The following GAL3ST1 variants were observed in gnomAD, a reference collection of about 807,000 sequenced individuals.
The protein encoded by GAL3ST1 is galactosylceramide sulfotransferase.
GAL3ST1 carries 13 observed loss-of-function variants against 25.0 expected under a neutral mutation model. The ratio of observed to expected loss-of-function variants is 0.52; its 90% confidence interval spans 0.34 to 0.83. The LOEUF (loss-of-function observed/expected upper bound fraction) is 0.83. GAL3ST1 is among the 40% of genes least tolerant of loss of function. The pLI, the probability that GAL3ST1 is intolerant of heterozygous loss-of-function variation, is 0.02. For synonymous variants in GAL3ST1, 274 were observed against 277.8 expected, an observed-to-expected ratio of 0.99 and a Z score of 0.14; for missense variants, 474 against 613.6, an observed-to-expected ratio of 0.77 and a Z score of 2.40.
At chr22:30,565,296 T>C (rs2086589556) in intron 1 of GAL3ST1, 1 of 152,210 alleles carries the variant, frequency 6.6e-6, no homozygotes, top group South Asian at 2.1e-4. Flanking sequence ...AGCTGATGCA[T>C]CAAGCACCCC....
chr22:30,556,746 T>C (rs1345159533), intron 3 of GAL3ST1, among the ~76,000 whole-genome samples: 2 of 152,156 alleles, frequency 1.3e-5, no homozygotes, highest in Non-Finnish European at 2.9e-5. Context: ...TGTTTTTCTT[T>C]TTGTTTTGAG....
chr22:30,556,201 G>A, intron 3 of GAL3ST1, 108 bp from the exon 4 acceptor site: 1 of 928,106 alleles, frequency 1.1e-6, no homozygotes, highest in Non-Finnish European at 1.6e-6. Flanking sequence ...AAAGGAGCTG[G>A]GATAGTGAGA....
intron 1 of GAL3ST1, among the ~76,000 whole-genome samples, chr22:30,559,402 A>G (rs1163672153): frequency 2.6e-5 from 4 of 151,866 alleles, no homozygotes; most frequent in Admixed American, 6.6e-5. Flanking sequence ...CACCACACCC[A>G]GCTAATTTTT....
rs1393795170 is a variant in GAL3ST1, at chr22:30,574,640, T to G, written c.-294A>C. 1 of 138,118 alleles carries G rather than the reference T, an allele frequency of 7.2e-6. No individual in the cohort carries two copies. The highest frequency in any genetic ancestry group is 1.6e-5 in the Non-Finnish European group (1 of 63,360). 8.6% of individuals were successfully genotyped at this position (138,118 alleles called of 1,614,324 possible). A position where few individuals can be genotyped will look rare whatever the true frequency, so the allele number is the denominator to read the frequency against. On this transcript the variant is annotated 5_prime_UTR_variant, in exon 1 of 4. Transcript: ENST00000406361. The stretch of plus-strand genomic sequence containing the variant: ...GCGCCCGCTCCCGCGCCGCGCCCGC[T>G]CCCGGCCAGGTGCCGCCGCCAGCCT...
chr22:30,573,497 C>A (rs1016281431), intron 1 of GAL3ST1, among the ~76,000 whole-genome samples: 2 of 152,176 alleles, frequency 1.3e-5, no homozygotes, highest in Non-Finnish European at 2.9e-5. Flanking sequence ...TCCTGTGCCC[C>A]CTGTGTGGGC....
At chr22:30,572,485 C>T (rs2086813523) in intron 1 of GAL3ST1, among the ~76,000 whole-genome samples, 2 of 152,188 alleles carry the variant, frequency 1.3e-5, no homozygotes, top group Non-Finnish European at 2.9e-5. Flanking sequence ...CACAGGCCTG[C>T]TGTGAGGCAC....
chr22:30,559,453 A>C (rs112514152), intron 1 of GAL3ST1, among the ~76,000 whole-genome samples: 1,528 of 152,182 alleles, frequency 0.01, 24 homozygotes, highest in African/African-American at 0.03. Context: ...GTTGGCCAGG[A>C]TCATCTTGAT....
At chr22:30,560,888 A>G (rs1441766884) in intron 1 of GAL3ST1, 2 of 151,818 alleles carry the variant, frequency 1.3e-5, no homozygotes, top group South Asian at 2.1e-4. Context: ...CACCCCCCCA[A>G]CCCCATTACT....
chr22:30,554,870 TG>T lies in GAL3ST1; in HGVS notation c.*82del, dbSNP rs1048558351. On this transcript the variant is annotated 3_prime_UTR_variant, in exon 4 of 4. Coordinates refer to ENST00000406361, the MANE Select transcript of GAL3ST1 (RefSeq NM_001318104.2). ...GTCTGAGGTGGCACCAGGAGGGGGC[TG>T]GGGGCGGCCAGCACCAGCGGCGTCC... 1.4e-5 allele frequency: 16 copies of T among 1,155,070 alleles called. No homozygotes were observed. The African/African-American group carries it at 2.0e-4, about 15-fold the overall frequency. 71.6% of individuals were successfully genotyped at this position (1,155,070 alleles called of 1,614,324 possible). A position where few individuals can be genotyped will look rare whatever the true frequency, so the allele number is the denominator to read the frequency against.
At chr22:30,561,900 C>T (rs1382821765) in intron 1 of GAL3ST1, among the ~76,000 whole-genome samples, 5 of 152,256 alleles carry the variant, frequency 3.3e-5, no homozygotes, top group Non-Finnish European at 5.9e-5. Flanking sequence ...AAGCCTCAGT[C>T]TCCTCGTGTG....
intron 1 of GAL3ST1, among the ~76,000 whole-genome samples, chr22:30,573,543 C>T (rs574248110): frequency 6.6e-6 from 1 of 152,334 alleles, no homozygotes; most frequent in East Asian, 1.9e-4. Flanking sequence ...CCTCAGGTCA[C>T]CCCGTCAGTA....
chr22:30,556,905 T>C (rs999231772), intron 3 of GAL3ST1, among the ~76,000 whole-genome samples: 3 of 152,142 alleles, frequency 2.0e-5, no homozygotes, highest in African/African-American at 7.2e-5. Context: ...CAGCTAATTT[T>C]TGTATTTTTA....
intron 2 of GAL3ST1, among the ~76,000 whole-genome samples, chr22:30,558,000 C>T (rs1263834191): frequency 6.6e-6 from 1 of 151,790 alleles, no homozygotes; most frequent in African/African-American, 2.4e-5. Flanking sequence ...GTTGCCTAGG[C>T]TGGTCTCGAA....
chr22:30,562,231 A>T (rs984248230), intron 1 of GAL3ST1, among the ~76,000 whole-genome samples: 9 of 152,036 alleles, frequency 5.9e-5, no homozygotes, highest in South Asian at 2.1e-4. Flanking sequence ...TTTAAAAAAA[A>T]TTTTGTAGAG....
intron 1 of GAL3ST1, among the ~76,000 whole-genome samples, chr22:30,562,759 C>T (rs2086477967): frequency 6.6e-6 from 1 of 152,190 alleles, no homozygotes; most frequent in Non-Finnish European, 1.5e-5. Context: ...CAGACAACAC[C>T]TCACTGAGAC....
chr22:30,561,564 T>C (rs948943479), intron 1 of GAL3ST1, among the ~76,000 whole-genome samples: 10 of 152,188 alleles, frequency 6.6e-5, no homozygotes, highest in Admixed American at 5.9e-4. Context: ...TCTATGGAAC[T>C]CCAATGTGCT....
At chr22:30,556,250 T>C (rs1601927260) in intron 3 of GAL3ST1, among the ~76,000 whole-genome samples, 157 bp from the exon 4 acceptor site, 1 of 151,582 alleles carries the variant, frequency 6.6e-6, no homozygotes, top group African/African-American at 2.4e-5. Context: ...CCTGCGCGGG[T>C]GGTTTGGCCT....
At chr22:30,572,414 C>T (rs1424309024) in intron 1 of GAL3ST1, among the ~76,000 whole-genome samples, 1 of 152,198 alleles carries the variant, frequency 6.6e-6, no homozygotes, top group Non-Finnish European at 1.5e-5. Flanking sequence ...TGACCTTGGG[C>T]AAGTGACTTC....
intron 1 of GAL3ST1, among the ~76,000 whole-genome samples, 151 bp downstream of exon 1, chr22:30,574,315 C>T (rs1414590284): frequency 6.6e-6 from 1 of 152,134 alleles, no homozygotes; most frequent in African/African-American, 2.4e-5. Flanking sequence ...GGCAGGGGTA[C>T]CCAGCGCTTA....
Sources: gnomAD v4.1 joint callset for allele counts (sites outside exome capture counted in the v4.1 genomes callset) on GRCh38, gnomAD v4.1.1 for gene constraint, MANE v1.5 for transcripts, NCBI Gene and HGNC (gene_info 2026-07-23, HGNC 2026-07-21) for gene names.